The following ACACB variants were observed in gnomAD, a reference collection of about 807,000 sequenced individuals.
ACACB encodes the protein acetyl-CoA carboxylase beta, also known as acetyl-CoA carboxylase 2.
Under a neutral mutation model 278.8 loss-of-function variants are expected in ACACB, and 209 were observed. The ratio of observed to expected loss-of-function variants is 0.75; its 90% confidence interval spans 0.67 to 0.84. ACACB has a LOEUF of 0.84. Among genes scored for constraint, ACACB ranks in the 40% least tolerant of loss-of-function variants. The pLI, the probability that ACACB is intolerant of heterozygous loss-of-function variation, is 0.00. For synonymous variants in ACACB, 1,174 were observed against 1,285.6 expected (o/e 0.91, Z 1.86); for missense variants, 2,850 against 3,269.0 (o/e 0.87, Z 3.13).
chr12:109,206,299 T>C (rs1352095688), intron 19 of ACACB, among the ~76,000 whole-genome samples: 1 of 151,816 alleles, frequency 6.6e-6, no homozygotes, highest in African/African-American at 2.4e-5. Flanking sequence ...CTGGGCGTGG[T>C]GGCCTGCGCC....
At chr12:109,184,037 A>G (rs1401021548) in intron 11 of ACACB, among the ~76,000 whole-genome samples, 1 of 151,198 alleles carries the variant, frequency 6.6e-6, no homozygotes, top group Non-Finnish European at 1.5e-5. Context: ...TGTTTGTATA[A>G]TTTTAGGGGG....
At chr12:109,148,756 C>T (rs963890379) in intron 2 of ACACB, among the ~76,000 whole-genome samples, 2 of 151,852 alleles carry the variant, frequency 1.3e-5, no homozygotes, top group African/African-American at 4.8e-5. Flanking sequence ...ATAGTAAGCA[C>T]AAAAAATGCT....
At chr12:109,136,742 C>CTG (rs1302118850) in intron 1 of ACACB, among the ~76,000 whole-genome samples, 5 of 152,110 alleles carry the variant, frequency 3.3e-5, no homozygotes, top group Non-Finnish European at 5.9e-5. Context: ...CCAAGGTTTT[C>CTG]TGTGTGTGTA....
intron 25 of ACACB, 26 bp downstream of exon 25, chr12:109,222,646 C>A (rs750950923): frequency 1.9e-6 from 3 of 1,590,772 alleles, no homozygotes; most frequent in South Asian, 2.2e-5. Context: ...GCGGTCCCCA[C>A]GATGTGCGTT....
In ACACB at chr12:109,259,001, T is replaced by C; in HGVS notation, c.6389T>C (p.Phe2130Ser). The C allele has an allele frequency of 6.2e-7, 1 of 1,614,140 alleles. No individual in the cohort carries two copies. The change falls in exon 47 of 53, where the codon TTC (phenylalanine) becomes TCC (serine). Residue 2130 changes from phenylalanine (F) to serine (S), a missense_variant. Around this residue, in one of 3 missense-constraint regions of ACACB, gnomAD observed 579 missense variants for 684.6 expected, o/e 0.85. Transcript: ENST00000338432. ...KIIQQAGQVWFPDSAYKTAQA... is the reference protein window; with the variant it reads ...KIIQQAGQVWSPDSAYKTAQA... ...ATTCAGCAGGCAGGACAGGTGTGGT[T>C]CCCAGACTCAGCCTACAAAACCGCC...
chr12:109,235,211 A>C, intron 31 of ACACB, 102 bp from the exon 32 acceptor site: 1 of 962,728 alleles, frequency 1.0e-6, no homozygotes, highest in Non-Finnish European at 1.7e-6. Context: ...TCTTCCACTT[A>C]GCATAATGTT....
intron 28 of ACACB, among the ~76,000 whole-genome samples, chr12:109,229,711 T>G (rs1374097347): frequency 6.6e-6 from 1 of 152,032 alleles, no homozygotes; most frequent in Non-Finnish European, 1.5e-5. Flanking sequence ...TTTTGTAATT[T>G]TAGTAGAGAT....
chr12:109,115,834 C>G (rs2042393434), upstream of ACACB, among the ~76,000 whole-genome samples: 1 of 152,260 alleles, frequency 6.6e-6, no homozygotes, highest in Non-Finnish European at 1.5e-5. Flanking sequence ...GCCAGTTTCT[C>G]CACTTGCTGT....
intron 33 of ACACB, among the ~76,000 whole-genome samples, chr12:109,236,720 A>T (rs538393005): frequency 1.3e-5 from 2 of 152,162 alleles, no homozygotes; most frequent in East Asian, 3.9e-4. Flanking sequence ...TCTAGCTAAG[A>T]CACATCCTTT....
At chr12:109,234,153 C>A in intron 31 of ACACB, 108 bp downstream of exon 31, 1 of 907,198 alleles carries the variant, frequency 1.1e-6, no homozygotes, top group Non-Finnish European at 1.7e-6. Flanking sequence ...TACTTCAGAG[C>A]CACAGACCTG....
chr12:109,187,172 A>C (rs2044691510), intron 12 of ACACB, among the ~76,000 whole-genome samples: 1 of 151,796 alleles, frequency 6.6e-6, no homozygotes, highest in Non-Finnish European at 1.5e-5. Flanking sequence ...AAGGAAGGAG[A>C]GAAGAAAGGA....
intron 1 of ACACB, among the ~76,000 whole-genome samples, chr12:109,119,432 A>C (rs1003752225): frequency 2.0e-5 from 3 of 151,966 alleles, no homozygotes; most frequent in Non-Finnish European, 4.4e-5. Flanking sequence ...TCTACTAAAA[A>C]TACAAAAATT....
At chr12:109,134,358 G>T (rs1433856992) in intron 1 of ACACB, among the ~76,000 whole-genome samples, 1 of 152,224 alleles carries the variant, frequency 6.6e-6, no homozygotes, top group Non-Finnish European at 1.5e-5. Flanking sequence ...CAGAGGGCAT[G>T]AGAGGGAGTG....
chr12:109,259,048 C>G lies in ACACB; in HGVS notation c.6436C>G (p.Arg2146Gly). 6.2e-7 allele frequency: 1 copy of G among 1,614,102 alleles called. No homozygotes were observed. Among genetic ancestry groups the G allele is most frequent in the Non-Finnish European group, 8.5e-7 (1 of 1,180,016 alleles). ...KTAQAVKDFN[R>G]EKLPLMIFAN... ...CGCCCAGGCCGTCAAGGACTTCAAC[C>G]GGGAGAAGTTGCCCCTGATGATCTT... Residue 2146 changes from arginine to glycine, a missense_variant, in exon 47 of 53, where the codon CGG becomes GGG. Physicochemically the swap from Arg to Gly is moderately radical, Grantham distance 125 (BLOSUM62 -2). Coordinates refer to ENST00000338432, the MANE Select transcript of ACACB (RefSeq NM_001093.4).
rs1379657430 is a variant in ACACB at position 109,268,109 on chromosome 12, G to A, written c.*1747G>A. 1 of 152,240 alleles carries A rather than the reference G, an allele frequency of 6.6e-6. No individual in the cohort carries two copies. The highest frequency in any genetic ancestry group is 1.5e-5 in the Non-Finnish European group (1 of 68,068). 9.4% of individuals were successfully genotyped at this position (152,240 alleles called of 1,614,324 possible). A position where few individuals can be genotyped will look rare whatever the true frequency, so the allele number is the denominator to read the frequency against. On this transcript the variant is annotated 3_prime_UTR_variant, in exon 53 of 53. Coordinates refer to ENST00000338432, the MANE Select transcript of ACACB (RefSeq NM_001093.4). The surrounding 1 kb of genome is among the most constrained non-coding windows in gnomAD (Gnocchi z 4.2). ...TGCTTTGGGAACTGAAGGTTTTTCT[G>A]TTGGGAAGGCCCTCTTGGTTTTGGA...
At chr12:109,217,062 A>T (rs2046023790) in intron 24 of ACACB, 142 bp downstream of exon 24, 2 of 1,140,722 alleles carry the variant, frequency 1.8e-6, no homozygotes, top group African/African-American at 3.1e-5. Context: ...CGGGCAGATC[A>T]CTTGAGGTTA....
chr12:109,157,566 C>G (rs765452592), intron 2 of ACACB, among the ~76,000 whole-genome samples: 24 of 152,122 alleles, frequency 1.6e-4, no homozygotes, highest in Non-Finnish European at 2.6e-4. Flanking sequence ...CCACCATGCC[C>G]GGCTCTTTCT....
At chr12:109,242,794 C>T (rs913249684) in intron 37 of ACACB, 3 of 576,818 alleles carry the variant, frequency 5.2e-6, no homozygotes, top group African/African-American at 3.8e-5. Flanking sequence ...TGAAGAACCC[C>T]ATCTCTACAA....
rs565062710 is a variant in ACACB, at chr12:109,163,075, C to T, written c.654-3786C>T. 5.0e-4 allele frequency among the ~76,000 whole-genome samples: 76 copies of T among 152,298 alleles called. 1 individual carries two copies. The highest frequency in any genetic ancestry group is 1.7e-3 in the African/African-American group (70 of 41,560). On this transcript the variant is annotated intron_variant, in intron 2 of 52. Coordinates refer to ENST00000338432, the MANE Select transcript of ACACB (RefSeq NM_001093.4). ...TGTAGGGGGGATTACAGGTGCACGC[C>T]ACCAAGCCCGGCTAATTTTTTGTAT...
Sources: gnomAD v4.1 joint callset for allele counts (sites outside exome capture counted in the v4.1 genomes callset) on GRCh38, gnomAD v4.1.1 for gene constraint, gnomAD v4.1.1 regional missense constraint, Gnocchi (gnomAD v3.1) non-coding constraint, MANE v1.5 for transcripts, NCBI Gene and HGNC (gene_info 2026-07-23, HGNC 2026-07-21) for gene names.